Variants in DPP10 observed in about 807,000 individuals in gnomAD.
The protein encoded by DPP10 is inactive dipeptidyl peptidase 10.
In DPP10, 33 loss-of-function variants were observed where a neutral mutation model predicts 120.9. The ratio of observed to expected loss-of-function variants is 0.27; its 90% CI spans 0.21 to 0.37. The LOEUF is 0.37. Ranked by LOEUF, DPP10 falls within the 10% of genes least tolerant of loss-of-function variation. The probability of loss-of-function intolerance (pLI) is 1.00; values close to 1 mark genes in which losing one functional copy is unlikely to be tolerated. For synonymous variants in DPP10, 337 were observed against 326.1 expected, an observed-to-expected ratio of 1.03 and a Z score of -0.36; for missense variants, 816 against 942.8, an observed-to-expected ratio of 0.87 and a Z score of 1.76.
chr2:114,910,018 A>G (rs1396107466), intron 1 of DPP10, among the ~76,000 whole-genome samples: 2 of 151,696 alleles, frequency 1.3e-5, no homozygotes, highest in African/African-American at 4.8e-5. Flanking sequence ...ATATATAAAC[A>G]TGTGTGTGTA....
chr2:115,189,190 G>A (rs547320744), intron 1 of DPP10, among the ~76,000 whole-genome samples: 153 of 152,304 alleles, frequency 1.0e-3, no homozygotes, highest in Non-Finnish European at 1.9e-3. Flanking sequence ...AGGGGAAGGC[G>A]TTCTTATTCT....
chr2:114,903,563 A>G (rs1177421153), intron 1 of DPP10, among the ~76,000 whole-genome samples: 1 of 152,182 alleles, frequency 6.6e-6, no homozygotes, highest in Non-Finnish European at 1.5e-5. Context: ...TTTGTCCTCA[A>G]TATCTCTTCT....
intron 1 of DPP10, among the ~76,000 whole-genome samples, chr2:114,923,155 A>T (rs1033335491): frequency 3.3e-5 from 5 of 149,296 alleles, no homozygotes; most frequent in Non-Finnish European, 1.5e-5. Flanking sequence ...ATGATTTATA[A>T]TTTTTTTTCC....
intron 3 of DPP10, among the ~76,000 whole-genome samples, chr2:115,437,555 A>G (rs1363544244): frequency 6.6e-6 from 1 of 152,054 alleles, no homozygotes; most frequent in Non-Finnish European, 1.5e-5. Flanking sequence ...AGTATTATCT[A>G]AGTTATTTAT....
At chr2:115,212,005 A>G (rs989565387) in intron 1 of DPP10, among the ~76,000 whole-genome samples, 20 of 152,186 alleles carry the variant, frequency 1.3e-4, no homozygotes, top group Admixed American at 1.0e-3. Flanking sequence ...CATTATGCAA[A>G]GCAATGACCC....
chr2:115,381,631 G>T (rs1407061178), intron 3 of DPP10, among the ~76,000 whole-genome samples: 1 of 152,158 alleles, frequency 6.6e-6, no homozygotes, highest in Non-Finnish European at 1.5e-5. Context: ...GAGACGCTCT[G>T]CTTTTTAGAG....
At chr2:114,945,585 C>A (rs1468405196) in intron 1 of DPP10, among the ~76,000 whole-genome samples, 1 of 151,970 alleles carries the variant, frequency 6.6e-6, no homozygotes, top group African/African-American at 2.4e-5. Context: ...GAGGCCGAGG[C>A]GGGTGGATCA....
At chr2:115,545,599 T>C (rs1051091127) in intron 5 of DPP10, among the ~76,000 whole-genome samples, 1 of 152,146 alleles carries the variant, frequency 6.6e-6, no homozygotes, top group Non-Finnish European at 1.5e-5. Flanking sequence ...CTTGGTGTGG[T>C]AGGAGAGTTG....
At chr2:114,557,000 CTTTT>C (rs59230198) in intron 1 of DPP10, among the ~76,000 whole-genome samples, 3,635 of 138,690 alleles carry the variant, frequency 0.026, 62 homozygotes, top group Non-Finnish European at 0.038. Context: ...GCAAAGACAG[CTTTT>C]TTTTTTTTTT....
chr2:115,180,702 C>G (rs6738642), intron 1 of DPP10, among the ~76,000 whole-genome samples: 101,928 of 152,052 alleles, frequency 0.67, 34,310 homozygotes, highest in East Asian at 0.75. Flanking sequence ...ATGACATCCT[C>G]TCACTAGAAA....
chr2:114,745,178 G>C lies in DPP10; in HGVS notation c.60+302340G>C, dbSNP rs115471273. 5.9e-3 allele frequency among the ~76,000 whole-genome samples: 905 copies of C among 152,242 alleles called. 7 individuals carry two copies. The highest frequency in any genetic ancestry group is 8.1e-3 in the Non-Finnish European group (553 of 68,010). On this transcript the variant is annotated intron_variant, in intron 1 of 25. Coordinates refer to ENST00000410059, the MANE Select transcript of DPP10 (RefSeq NM_020868.6). The stretch of plus-strand genomic sequence containing the variant: ...TCAAATTAGCTAATATAACTGCCTT[G>C]TTATTCCTTTTGAAGTGTTTTGAAA...
At chr2:114,580,866 G>A (rs1203716322) in intron 1 of DPP10, among the ~76,000 whole-genome samples, 2 of 151,898 alleles carry the variant, frequency 1.3e-5, no homozygotes, top group Non-Finnish European at 2.9e-5. Context: ...CTGTTCTTTC[G>A]AGGCTGTCAG....
chr2:115,600,799 TTC>T (rs1420060897), intron 5 of DPP10, among the ~76,000 whole-genome samples: 2 of 152,204 alleles, frequency 1.3e-5, no homozygotes, highest in East Asian at 3.9e-4. Flanking sequence ...AGTTGAATAT[TTC>T]TGTTTGATTA....
intron 1 of DPP10, among the ~76,000 whole-genome samples, chr2:114,512,300 C>T (rs1012616547): frequency 6.6e-6 from 1 of 152,196 alleles, no homozygotes; most frequent in Non-Finnish European, 1.5e-5. Flanking sequence ...CAATTTCCTT[C>T]ACCTTTCACA....
At chr2:115,255,282 G>C (rs1467554682) in intron 1 of DPP10, among the ~76,000 whole-genome samples, 1 of 152,158 alleles carries the variant, frequency 6.6e-6, no homozygotes, top group Non-Finnish European at 1.5e-5. Flanking sequence ...GCTGTACCTT[G>C]GTCCCTTTTA....
chr2:115,096,318 C>T (rs1296598071), intron 1 of DPP10, among the ~76,000 whole-genome samples: 2 of 152,122 alleles, frequency 1.3e-5, no homozygotes, highest in Non-Finnish European at 2.9e-5. Context: ...TCACTGAACT[C>T]TGGTATACAG....
intron 1 of DPP10, among the ~76,000 whole-genome samples, chr2:115,235,491 G>A (rs1236773294): frequency 6.6e-6 from 1 of 152,012 alleles, no homozygotes; most frequent in African/African-American, 2.4e-5. Context: ...CAAAGCTAAG[G>A]TTGTGATGGC....
intron 1 of DPP10, among the ~76,000 whole-genome samples, chr2:114,598,451 A>G (rs1692103361): frequency 6.6e-6 from 1 of 151,934 alleles, no homozygotes; most frequent in Non-Finnish European, 1.5e-5. Context: ...AAGATCATCT[A>G]GGCAGAGGTA....
intron 5 of DPP10, among the ~76,000 whole-genome samples, chr2:115,601,438 C>T (rs3899558): frequency 0.99 from 150,495 of 152,296 alleles, 74,386 homozygotes; most frequent in East Asian, 1. Flanking sequence ...GCCTTTTTCA[C>T]ATCAGATAAT....
Sources: allele counts gnomAD v4.1 joint callset (sites outside exome capture counted in the v4.1 genomes callset), GRCh38; gene constraint gnomAD v4.1.1; transcripts MANE v1.5; gene names NCBI Gene and HGNC (gene_info 2026-07-23, HGNC 2026-07-21).